Variants in NEK11 observed in about 807,000 individuals in gnomAD.
NEK11 encodes the protein NIMA related kinase 11.
Under a neutral mutation model 80.7 loss-of-function variants are expected in NEK11, and 72 were observed. That is an observed-to-expected ratio of 0.89 (90% CI 0.74 to 1.08). The LOEUF (loss-of-function observed/expected upper bound fraction) is 1.08. Among genes scored for constraint, NEK11 ranks in the 50% least tolerant of loss-of-function variants. NEK11 has a pLI of 0.00. For missense variants in NEK11, 764 were observed against 763.6 expected (o/e 1.00, Z -0.01); for synonymous variants, 251 against 260.7 (o/e 0.96, Z 0.36).
chr3:131,291,911 A>T (rs1259381721), intron 17 of NEK11, among the ~76,000 whole-genome samples: 1 of 152,102 alleles, frequency 6.6e-6, no homozygotes, highest in Non-Finnish European at 1.5e-5. Context: ...CATTCTCTTG[A>T]CGTTGTCTTT....
At chr3:131,170,608 G>T (rs1157498290) in intron 13 of NEK11, among the ~76,000 whole-genome samples, 165 bp from the exon 14 acceptor site, 1 of 152,178 alleles carries the variant, frequency 6.6e-6, no homozygotes, top group African/African-American at 2.4e-5. Flanking sequence ...ATTCAGGGCT[G>T]TTTCTCTTAT....
intron 3 of NEK11, among the ~76,000 whole-genome samples, chr3:131,072,847 T>C (rs2073657256): frequency 6.6e-6 from 1 of 152,170 alleles, no homozygotes; most frequent in Admixed American, 6.5e-5. Context: ...GGGGGGGAAA[T>C]GGCTGTCATG....
chr3:131,097,945 G>C (rs1277864503), intron 4 of NEK11, among the ~76,000 whole-genome samples: 9 of 144,442 alleles, frequency 6.2e-5, no homozygotes, highest in Non-Finnish European at 7.8e-5. Flanking sequence ...CATGGTACTG[G>C]TACCAAAACA....
At chr3:131,098,130 C>T (rs568371665) in intron 4 of NEK11, among the ~76,000 whole-genome samples, 1 of 151,984 alleles carries the variant, frequency 6.6e-6, no homozygotes, top group African/African-American at 2.4e-5. Context: ...GGATCCCTTC[C>T]TTACACCTTA....
chr3:131,206,111 C>A (rs1333847875), intron 14 of NEK11, among the ~76,000 whole-genome samples: 2 of 152,150 alleles, frequency 1.3e-5, no homozygotes, highest in African/African-American at 2.4e-5. Flanking sequence ...AAGCCTTGTA[C>A]AGGCACCACA....
chr3:131,331,471 G>C (rs1228675622), intron 17 of NEK11, among the ~76,000 whole-genome samples: 2 of 152,174 alleles, frequency 1.3e-5, no homozygotes, highest in African/African-American at 4.8e-5. Context: ...AAAATCAGAA[G>C]GAGGGCAGCC....
chr3:131,168,635 C>G (rs2092453991), intron 12 of NEK11, among the ~76,000 whole-genome samples, 195 bp from the exon 13 acceptor site: 1 of 152,096 alleles, frequency 6.6e-6, no homozygotes, highest in Non-Finnish European at 1.5e-5. Context: ...GGATTACAGG[C>G]GTGAGCCACC....
At chr3:131,295,463 C>T (rs997794032) in intron 17 of NEK11, among the ~76,000 whole-genome samples, 1 of 152,060 alleles carries the variant, frequency 6.6e-6, no homozygotes, top group Non-Finnish European at 1.5e-5. Context: ...GGATACTCAA[C>T]GTGTAGTACG....
intron 14 of NEK11, among the ~76,000 whole-genome samples, chr3:131,187,342 G>C (rs2093639038): frequency 1.3e-5 from 2 of 152,102 alleles, no homozygotes; most frequent in Non-Finnish European, 2.9e-5. Context: ...TAAAATCTAA[G>C]TATCTAAATT....
intron 5 of NEK11, among the ~76,000 whole-genome samples, chr3:131,117,090 T>C (rs1447830411): frequency 6.6e-6 from 1 of 152,232 alleles, no homozygotes; most frequent in Non-Finnish European, 1.5e-5. Context: ...GGTTTTCTTC[T>C]AGGGTTTTTA....
At chr3:131,261,075 A>AT (rs1421608265) in intron 16 of NEK11, among the ~76,000 whole-genome samples, 1 of 152,156 alleles carries the variant, frequency 6.6e-6, no homozygotes. Flanking sequence ...TTTAGAAGAA[A>AT]TTTTTCAAAG....
chr3:131,250,959 T>A (rs558680152), intron 16 of NEK11, among the ~76,000 whole-genome samples: 2 of 152,146 alleles, frequency 1.3e-5, no homozygotes, highest in South Asian at 4.1e-4. Context: ...TATACAATAT[T>A]TGCATAGTCA....
intron 17 of NEK11, among the ~76,000 whole-genome samples, chr3:131,321,418 A>G (rs772051764): frequency 7.2e-5 from 11 of 152,194 alleles, no homozygotes; most frequent in Non-Finnish European, 1.3e-4. Flanking sequence ...AACCTAGGAA[A>G]CACCATTCTG....
At chr3:131,129,052 C>CT (rs759751535) in intron 5 of NEK11, among the ~76,000 whole-genome samples, 73,053 of 109,220 alleles carry the variant, frequency 0.67, 26,772 homozygotes, top group South Asian at 0.75. Context: ...GGATAACAGT[C>CT]TTTTTTTTTT....
chr3:131,259,489 C>G (rs1353659062), intron 16 of NEK11, among the ~76,000 whole-genome samples: 1 of 152,140 alleles, frequency 6.6e-6, no homozygotes, highest in Non-Finnish European at 1.5e-5. Context: ...AACCTTTAGG[C>G]TGGGTTTTCT....
intron 3 of NEK11, among the ~76,000 whole-genome samples, chr3:131,057,354 G>A (rs998667982): frequency 2.6e-5 from 4 of 152,154 alleles, no homozygotes; most frequent in Non-Finnish European, 4.4e-5. Context: ...ACATACGTGT[G>A]CATGTGTCTT....
chr3:131,174,717 G>C (rs2092906576), intron 14 of NEK11: 2 of 1,576,746 alleles, frequency 1.3e-6, no homozygotes, highest in East Asian at 4.6e-5. Flanking sequence ...ATTAATTTTT[G>C]CCAGGAACTT....
At chr3:131,200,242 T>C (rs1461027447) in intron 14 of NEK11, among the ~76,000 whole-genome samples, 3 of 152,192 alleles carry the variant, frequency 2.0e-5, no homozygotes, top group African/African-American at 4.8e-5. Flanking sequence ...CTGTAATTCA[T>C]AGAGTAAATC....
chr3:131,105,921 A>G (rs1298429562), intron 4 of NEK11, among the ~76,000 whole-genome samples: 1 of 152,226 alleles, frequency 6.6e-6, no homozygotes, highest in East Asian at 1.9e-4. Context: ...TTAACAGAAC[A>G]ATTCACATCC....
Sources: gnomAD v4.1 joint callset for allele counts (sites outside exome capture counted in the v4.1 genomes callset) on GRCh38, gnomAD v4.1.1 for gene constraint, MANE v1.5 for transcripts, NCBI Gene and HGNC (gene_info 2026-07-23, HGNC 2026-07-21) for gene names.